EYS: variants seen among roughly 807,000 people sequenced by gnomAD.
EYS encodes the protein EGF-like photoreceptor maintenance factor, also known as protein eyes shut homolog.
In EYS, 250 loss-of-function variants were observed where a neutral mutation model predicts 282.1. The observed-to-expected ratio is 0.89, with a 90% CI of 0.80 to 0.98. The LOEUF is 0.98. Ranked by LOEUF, EYS falls within the 50% of genes least tolerant of loss-of-function variation. EYS has a pLI of 0.00. For missense variants in EYS, 4,016 were observed against 3,709.0 expected, an observed-to-expected ratio of 1.08 and a Z score of -2.15; for synonymous variants, 1,355 against 1,282.9, an observed-to-expected ratio of 1.06 and a Z score of -1.20.
intron 1 of EYS, among the ~76,000 whole-genome samples, chr6:65,680,465 T>C (rs1224593994): frequency 6.6e-6 from 1 of 151,956 alleles, no homozygotes; most frequent in Non-Finnish European, 1.5e-5. Context: ...ATTCATTCTA[T>C]AGTAAAGAAA....
intron 22 of EYS, among the ~76,000 whole-genome samples, chr6:64,751,763 T>A (rs577671004): frequency 6.6e-6 from 1 of 152,258 alleles, no homozygotes; most frequent in African/African-American, 2.4e-5. Context: ...AGGAACAACA[T>A]AAACTTGCCA....
chr6:64,757,498 G>C (rs1449721960), intron 22 of EYS, among the ~76,000 whole-genome samples: 2 of 152,046 alleles, frequency 1.3e-5, no homozygotes, highest in Non-Finnish European at 2.9e-5. Flanking sequence ...GACTGTGTGA[G>C]TGAATAGTAG....
At chr6:64,929,243 A>G (rs1768626102) in intron 15 of EYS, among the ~76,000 whole-genome samples, 1 of 152,122 alleles carries the variant, frequency 6.6e-6, no homozygotes, top group African/African-American at 2.4e-5. Flanking sequence ...GTGATTCTTC[A>G]GAAGCCAAGG....
intron 2 of EYS, among the ~76,000 whole-genome samples, chr6:65,545,474 A>G (rs1479737175): frequency 6.6e-6 from 1 of 152,134 alleles, no homozygotes; most frequent in Non-Finnish European, 1.5e-5. Context: ...TTTTGTTTTA[A>G]GAATCTCATG....
intron 31 of EYS, among the ~76,000 whole-genome samples, chr6:64,155,258 C>G (rs536722902): frequency 1.3e-5 from 2 of 152,136 alleles, no homozygotes; most frequent in South Asian, 4.1e-4. Context: ...TTTGGAAACA[C>G]TGACTGAGAC....
intron 36 of EYS, among the ~76,000 whole-genome samples, chr6:63,849,160 T>C (rs1772177392): frequency 1.3e-5 from 2 of 152,170 alleles, no homozygotes; most frequent in African/African-American, 4.8e-5. Flanking sequence ...GGGCAGGGCA[T>C]CTTTGAAAGA....
At chr6:64,554,237 T>G (rs1033343642) in intron 26 of EYS, among the ~76,000 whole-genome samples, 9 of 152,128 alleles carry the variant, frequency 5.9e-5, no homozygotes, top group Non-Finnish European at 8.8e-5. Flanking sequence ...TACTTATGAA[T>G]TGAAATTGTA....
rs1158150622 is a variant in EYS, at chr6:65,519,686, C to CTATATA, written c.-332-23699_-332-23694dup. On this transcript the variant is annotated intron_variant, in intron 2 of 42. Coordinates refer to ENST00000503581, the MANE Select transcript of EYS (RefSeq NM_001142800.2). The stretch of plus-strand genomic sequence containing the variant: ...AGAACACTTGCAAAAACTATAATAA[C>CTATATA]TATATATATATATATATATATATTT... Among the ~76,000 whole-genome samples, 127 of 39,732 alleles carry CTATATA rather than the reference C, an allele frequency of 3.2e-3. 3 individuals carry two copies. The highest frequency in any genetic ancestry group is 0.022 in the Middle Eastern group (1 of 46). 26.1% of individuals were successfully genotyped at this position (39,732 alleles called of 152,430 possible).
intron 5 of EYS, among the ~76,000 whole-genome samples, chr6:65,410,865 A>G (rs1766964679): frequency 6.6e-6 from 1 of 151,956 alleles, no homozygotes; most frequent in Non-Finnish European, 1.5e-5. Flanking sequence ...CTATTCAGCC[A>G]TATAAAATAA....
intron 30 of EYS, among the ~76,000 whole-genome samples, chr6:64,248,587 T>A (rs1156290871): frequency 1.3e-5 from 2 of 152,116 alleles, no homozygotes; most frequent in Non-Finnish European, 2.9e-5. Context: ...AAATAGCAGA[T>A]GTTGGCAAGG....
rs548498332 is a variant in EYS at position 65,212,361 on chromosome 6, T to C, written c.2023+83502A>G. On this transcript the variant is annotated intron_variant, in intron 12 of 42. Coordinates refer to ENST00000503581, the MANE Select transcript of EYS (RefSeq NM_001142800.2). ...GAGGAAGTAATCAGATAAAATTTTT[T>C]CTTTAAGAAGAAAATAGAAGATATC... is the stretch of plus-strand genomic sequence containing the variant. Among the ~76,000 whole-genome samples the C allele has an allele frequency of 2.0e-5, 3 of 152,238 alleles. No homozygotes were observed. The East Asian group carries it at 5.8e-4, about 29-fold the overall frequency.
intron 26 of EYS, among the ~76,000 whole-genome samples, chr6:64,517,916 A>T (rs968598226): frequency 1.3e-5 from 2 of 151,650 alleles, no homozygotes; most frequent in African/African-American, 4.8e-5. Context: ...GGCAAAGCAC[A>T]TTTAGCCCTT....
chr6:64,884,921 A>G (rs1583258398), intron 19 of EYS, among the ~76,000 whole-genome samples: 1 of 151,776 alleles, frequency 6.6e-6, no homozygotes, highest in East Asian at 1.9e-4. Context: ...GCAGGTTTTG[A>G]TTGTTATTCT....
At chr6:65,003,805 G>T (rs1771545668) in intron 13 of EYS, among the ~76,000 whole-genome samples, 1 of 147,516 alleles carries the variant, frequency 6.8e-6, no homozygotes, top group Non-Finnish European at 1.5e-5. Flanking sequence ...TTTAAAGGAG[G>T]TGAGATAAAA....
intron 11 of EYS, among the ~76,000 whole-genome samples, chr6:65,334,475 G>T (rs1454552512): frequency 1.3e-5 from 2 of 151,686 alleles, no homozygotes; most frequent in Non-Finnish European, 2.9e-5. Context: ...TCACTATGTT[G>T]CCCAGGCTGG....
At chr6:64,439,536 T>A (rs1698480777) in intron 26 of EYS, among the ~76,000 whole-genome samples, 184 bp from the exon 27 acceptor site, 1 of 151,854 alleles carries the variant, frequency 6.6e-6, no homozygotes, top group South Asian at 2.1e-4. Context: ...TCTTTGTATT[T>A]GATGGCTTCA....
chr6:64,846,326 T>C (rs761079875), intron 19 of EYS, among the ~76,000 whole-genome samples: 3 of 152,122 alleles, frequency 2.0e-5, no homozygotes, highest in Non-Finnish European at 2.9e-5. Flanking sequence ...ATAGTTCTGG[T>C]TATTCCTAGA....
chr6:64,711,542 G>A (rs1771213246), intron 22 of EYS, among the ~76,000 whole-genome samples: 1 of 152,118 alleles, frequency 6.6e-6, no homozygotes, highest in South Asian at 2.1e-4. Context: ...GAAACACTGG[G>A]TTTGGCCTAG....
intron 33 of EYS, among the ~76,000 whole-genome samples, chr6:64,055,771 CAG>C (rs1770963697): frequency 6.6e-6 from 1 of 152,092 alleles, no homozygotes; most frequent in Admixed American, 6.6e-5. Context: ...TCGTAAGAAA[CAG>C]TAGAACACAG....
Sources: allele counts gnomAD v4.1 joint callset (sites outside exome capture counted in the v4.1 genomes callset), GRCh38; gene constraint gnomAD v4.1.1; transcripts MANE v1.5; gene names NCBI Gene and HGNC (gene_info 2026-07-23, HGNC 2026-07-21).